Variants in TXNL4A observed in about 807,000 individuals in gnomAD.
The protein encoded by TXNL4A is thioredoxin like 4A.
Under a neutral mutation model 14.6 loss-of-function variants are expected in TXNL4A, and 17 were observed. The ratio of observed to expected loss-of-function variants is 1.16; its 90% CI spans 0.80 to 1.74. The LOEUF is 1.74. Among genes scored for constraint, TXNL4A ranks in the 40% most tolerant of loss-of-function variants. The probability of loss-of-function intolerance (pLI) is 0.00; values close to 1 mark genes in which losing one functional copy is unlikely to be tolerated. For synonymous variants in TXNL4A, 83 were observed against 70.6 expected, an observed-to-expected ratio of 1.18 and a Z score of -0.88; for missense variants, 74 against 195.2, an observed-to-expected ratio of 0.38 and a Z score of 3.70.
intron 1 of TXNL4A, among the ~76,000 whole-genome samples, chr18:80,017,741 G>C (rs2051821622): frequency 6.6e-6 from 1 of 151,254 alleles, no homozygotes; most frequent in Non-Finnish European, 1.5e-5. Context: ...TAAGCTTTTT[G>C]ATGTGCTGCT....
chr18:80,002,928 C>T (rs1346597166), intron 1 of TXNL4A, among the ~76,000 whole-genome samples: 1 of 152,236 alleles, frequency 6.6e-6, no homozygotes, highest in Non-Finnish European at 1.5e-5. Context: ...CTCTTGAACC[C>T]TCCAGCAACA....
rs545974149 is a variant in TXNL4A, at chr18:79,986,224, A to T, written c.153+2016T>A. ...CCGGCATTTGTACTTTTAGTAGAGA[A>T]GGGGTTTCACCATATTGTCCAGGCT... On this transcript the variant is annotated intron_variant, in intron 1 of 2. Coordinates refer to ENST00000269601, the MANE Select transcript of TXNL4A (RefSeq NM_006701.5). Among the ~76,000 whole-genome samples the T allele has an allele frequency of 2.0e-5, 3 of 152,242 alleles. No homozygotes were observed. The East Asian group carries it at 5.8e-4, about 29-fold the overall frequency.
chr18:80,002,934 CA>C lies in TXNL4A; in HGVS notation c.-60-25234del. 1.3e-5 allele frequency among the ~76,000 whole-genome samples: 2 copies of C among 152,350 alleles called. 1 individual carries two copies. The highest frequency in any genetic ancestry group is 4.1e-4 in the South Asian group (2 of 4,834). On this transcript the variant is annotated intron_variant, in intron 1 of 2. Transcript: ENST00000585474. ...CGGTAGACCCTCTTGAACCCTCCAG[CA>C]ACAGGTGAGGGACAGGAAGATGGCA...
intron 1 of TXNL4A, among the ~76,000 whole-genome samples, chr18:79,999,536 C>CAAAA (rs1215965310): frequency 5.8e-5 from 2 of 34,468 alleles, no homozygotes; most frequent in African/African-American, 9.2e-5. Context: ...GACTCCATCT[C>CAAAA]AAAAAAAAAA....
intron 1 of TXNL4A, among the ~76,000 whole-genome samples, chr18:80,018,339 T>G (rs1023682497): frequency 6.6e-6 from 1 of 151,154 alleles, no homozygotes; most frequent in Non-Finnish European, 1.5e-5. Context: ...CAAAGCAGTG[T>G]GTAGAGGGAA....
At chr18:79,981,779 C>G (rs558180127) in intron 1 of TXNL4A, among the ~76,000 whole-genome samples, 1 of 152,340 alleles carries the variant, frequency 6.6e-6, no homozygotes, top group East Asian at 1.9e-4. Flanking sequence ...TGCATCTAAC[C>G]CGGAGAATTC....
At chr18:79,990,066 C>T (rs1405010132), upstream of TXNL4A, among the ~76,000 whole-genome samples, 2 of 152,196 alleles carry the variant, frequency 1.3e-5, no homozygotes, top group Non-Finnish European at 2.9e-5. Context: ...GTGAGAACTA[C>T]AGTCTGAAGA....
In TXNL4A at chr18:79,988,231, GC is replaced by G; in HGVS notation, c.153+8del. ...ACAGCCCGCAGAGCGGGAGAGTCCG[GC>G]GCGCTACCTTCTCGGCGATGCTGTA... is the stretch of plus-strand genomic sequence containing the variant. On this transcript the variant is annotated splice_region_variant and intron_variant, in intron 1 of 2. Coordinates refer to ENST00000269601, the MANE Select transcript of TXNL4A (RefSeq NM_006701.5). The G allele has an allele frequency of 6.6e-7, 1 of 1,525,006 alleles. No individual in the cohort carries two copies. Among genetic ancestry groups the G allele is most frequent in the Non-Finnish European group, 8.9e-7 (1 of 1,117,834 alleles). The allele number at this position is 1,525,006 out of a possible 1,614,324, so 94.5% of individuals were successfully genotyped here.
chr18:79,988,189 G>A (rs1399384480), intron 1 of TXNL4A, 51 bp downstream of exon 1: 3 of 1,433,294 alleles, frequency 2.1e-6, no homozygotes, highest in African/African-American at 2.9e-5. Context: ...GCAGAGGCGC[G>A]GGGCAGATGC....
chr18:80,008,913 G>C (rs1482831365), intron 1 of TXNL4A, among the ~76,000 whole-genome samples: 9 of 152,208 alleles, frequency 5.9e-5, no homozygotes, highest in Non-Finnish European at 1.0e-4. Context: ...AAGTAGCTGG[G>C]ATTACAGGCG....
At chr18:79,979,576 T>A in intron 1 of TXNL4A, 1 of 153,024 alleles carries the variant, frequency 6.5e-6, no homozygotes, top group South Asian at 1.8e-4. Context: ...CTGCCATGAT[T>A]GGAAGGTCCT....
intron 1 of TXNL4A, among the ~76,000 whole-genome samples, chr18:80,023,562 C>T (rs186797896): frequency 4.6e-5 from 7 of 151,956 alleles, no homozygotes; most frequent in African/African-American, 1.5e-4. Context: ...TATAAAGGAA[C>T]TGCTTAAATT....
At chr18:79,997,763 A>T (rs1181136114) in intron 1 of TXNL4A, among the ~76,000 whole-genome samples, 2 of 152,306 alleles carry the variant, frequency 1.3e-5, no homozygotes, top group East Asian at 3.9e-4. Context: ...GTTCAGACAC[A>T]CTATCTTCCT....
rs2145048234 is a variant in TXNL4A at position 79,973,859 on chromosome 18, G to C, written c.258-3C>G. The C allele has an allele frequency of 3.1e-6, 5 of 1,612,592 alleles. No homozygotes were observed. Among genetic ancestry groups the C allele is most frequent in the Non-Finnish European group, 4.2e-6 (5 of 1,179,504 alleles). On this transcript the variant is annotated splice_region_variant and splice_polypyrimidine_tract_variant and intron_variant, in intron 2 of 2. Transcript: ENST00000269601. ...AGTCAATCATGATGTGCTTGTTCCT[G>C]CAACGAGAAACAAGGGCATCCATTC... is the stretch of plus-strand genomic sequence containing the variant.
upstream of TXNL4A, chr18:79,988,657 A>C: frequency 3.2e-6 from 1 of 308,458 alleles, no homozygotes; most frequent in African/African-American, 2.2e-5. Context: ...CGCCGCGCGA[A>C]CGTGTAGTTG....
chr18:80,016,285 G>A (rs2051808881), intron 1 of TXNL4A, among the ~76,000 whole-genome samples: 1 of 152,148 alleles, frequency 6.6e-6, no homozygotes, highest in Non-Finnish European at 1.5e-5. Flanking sequence ...TAAGTGGGTT[G>A]CGAAAATTTT....
intron 1 of TXNL4A, among the ~76,000 whole-genome samples, chr18:80,015,121 G>C (rs1319122735): frequency 1.3e-5 from 2 of 152,160 alleles, no homozygotes; most frequent in Admixed American, 6.5e-5. Context: ...TGGCTTCTGG[G>C]TCTGTGATGG....
At chr18:80,021,194 TGA>T (rs1430354333) in intron 1 of TXNL4A, among the ~76,000 whole-genome samples, 3 of 146,914 alleles carry the variant, frequency 2.0e-5, no homozygotes, top group African/African-American at 7.5e-5. Flanking sequence ...TTTTTTTTTT[TGA>T]GATGGAGTCT....
In TXNL4A at chr18:79,982,178, C is replaced by T. The variant is rs2051474263; in HGVS notation, c.154-4477G>A. Reference sequence around the variant, plus strand: ...ATGTGTAAAGAGAAAGACACAAGACCAGCAGCCAGGTCTCAGATCCAGCAC... The same window carrying T: ...ATGTGTAAAGAGAAAGACACAAGACTAGCAGCCAGGTCTCAGATCCAGCAC... On this transcript the variant is annotated intron_variant, in intron 1 of 2. Coordinates refer to ENST00000269601, the MANE Select transcript of TXNL4A (RefSeq NM_006701.5). This position sits in a 1 kb window ranked among gnomAD's most constrained non-coding sequence, Gnocchi z 4.0. Among the ~76,000 whole-genome samples the T allele has an allele frequency of 2.0e-5, 3 of 152,008 alleles. No individual in the cohort carries two copies. The highest frequency in any genetic ancestry group is 7.2e-5 in the African/African-American group (3 of 41,400).
Sources: gnomAD v4.1 joint callset for allele counts (sites outside exome capture counted in the v4.1 genomes callset) on GRCh38, gnomAD v4.1.1 for gene constraint, Gnocchi (gnomAD v3.1) non-coding constraint, MANE v1.5 for transcripts, NCBI Gene and HGNC (gene_info 2026-07-23, HGNC 2026-07-21) for gene names.